The following C1QTNF3 variants were observed in gnomAD, a reference collection of about 807,000 sequenced individuals.
The protein encoded by C1QTNF3 is complement C1q tumor necrosis factor-related protein 3.
A neutral mutation model predicts 32.6 loss-of-function variants in C1QTNF3; 26 were observed. The observed-to-expected ratio is 0.80, with a 90% CI of 0.58 to 1.11. The LOEUF is 1.11. C1QTNF3 is among the 50% of genes least tolerant of loss of function. The probability of loss-of-function intolerance (pLI) is 0.00; values close to 1 mark genes in which losing one functional copy is unlikely to be tolerated. For synonymous variants in C1QTNF3, 155 were observed against 146.0 expected (o/e 1.06, Z -0.44); for missense variants, 362 against 398.2 (o/e 0.91, Z 0.77).
chr5:34,040,483 T>C (rs1448092853), intron 1 of C1QTNF3, among the ~76,000 whole-genome samples: 1 of 151,396 alleles, frequency 6.6e-6, no homozygotes, highest in Non-Finnish European at 1.5e-5. Context: ...TTGACAAAGG[T>C]GAATGAAAAA....
chr5:34,066,569 A>T, the C1QTNF3 span, among the ~76,000 whole-genome samples: 1 of 152,070 alleles, frequency 6.6e-6, no homozygotes, highest in Non-Finnish European at 1.5e-5. Flanking sequence ...TACAGATGGC[A>T]GTAAGAAAAT....
chr5:34,162,377 T>C, the C1QTNF3 span, among the ~76,000 whole-genome samples: 1 of 152,146 alleles, frequency 6.6e-6, no homozygotes, highest in Admixed American at 6.6e-5. Flanking sequence ...AGTCCATTCA[T>C]GAGGGCAGAA....
At chr5:34,122,713 A>T in the C1QTNF3 span, among the ~76,000 whole-genome samples, 1 of 152,112 alleles carries the variant, frequency 6.6e-6, no homozygotes, top group African/African-American at 2.4e-5. Flanking sequence ...TGGGCCAACC[A>T]ACTGTTGGAT....
chr5:34,207,176 A>AT, the C1QTNF3 span, among the ~76,000 whole-genome samples: 3 of 151,182 alleles, frequency 2.0e-5, no homozygotes, highest in Non-Finnish European at 4.4e-5. Flanking sequence ...CGGTGGAAGA[A>AT]TTTTTTTTTC....
the C1QTNF3 span, among the ~76,000 whole-genome samples, chr5:34,240,235 A>G: frequency 6.6e-6 from 1 of 151,834 alleles, no homozygotes; most frequent in Non-Finnish European, 1.5e-5. Flanking sequence ...AAAAAAAAAA[A>G]GAACAACCCT....
chr5:34,045,737 C>T (rs1324505320), upstream of C1QTNF3, among the ~76,000 whole-genome samples: 5 of 151,966 alleles, frequency 3.3e-5, no homozygotes, highest in African/African-American at 1.2e-4. Context: ...ATCTCTCCTT[C>T]TCTCTGCCAT....
chr5:34,064,597 C>T, the C1QTNF3 span, among the ~76,000 whole-genome samples: 7 of 152,138 alleles, frequency 4.6e-5, no homozygotes, highest in Admixed American at 1.3e-4. Flanking sequence ...GCAATGGGTG[C>T]CTCGCTGGAT....
the C1QTNF3 span, among the ~76,000 whole-genome samples, chr5:34,238,092 G>C: frequency 3.0e-4 from 46 of 152,288 alleles, no homozygotes; most frequent in African/African-American, 1.1e-3. Flanking sequence ...ATCCTGGACA[G>C]AGACAGCCCT....
the C1QTNF3 span, among the ~76,000 whole-genome samples, chr5:34,126,466 G>C: frequency 1.3e-5 from 2 of 149,610 alleles, 1 homozygote; most frequent in African/African-American, 4.9e-5. Flanking sequence ...GGAGGATGTG[G>C]AGAAAAGGGA....
chr5:34,112,817 C>A, the C1QTNF3 span, among the ~76,000 whole-genome samples: 1 of 152,064 alleles, frequency 6.6e-6, no homozygotes, highest in Non-Finnish European at 1.5e-5. Flanking sequence ...AAATTCAAGT[C>A]ATTAAATTTG....
At chr5:34,056,456 A>G in the C1QTNF3 span, among the ~76,000 whole-genome samples, 1,619 of 47,608 alleles carry the variant, frequency 0.034, 27 homozygotes, top group African/African-American at 0.084. Context: ...GTGTGTGTGT[A>G]TATATATATA....
chr5:34,161,411 T>C, the C1QTNF3 span, among the ~76,000 whole-genome samples: 1 of 151,846 alleles, frequency 6.6e-6, no homozygotes, highest in Non-Finnish European at 1.5e-5. Context: ...CTTAGCATGG[T>C]ATGGTTTTTC....
the C1QTNF3 span, among the ~76,000 whole-genome samples, chr5:34,056,824 C>G: frequency 6.6e-6 from 1 of 151,984 alleles, no homozygotes; most frequent in Non-Finnish European, 1.5e-5. Context: ...CTTTTACATT[C>G]TAATGAACCA....
chr5:34,026,296 C>T (rs1754456722), intron 4 of C1QTNF3, among the ~76,000 whole-genome samples: 1 of 151,930 alleles, frequency 6.6e-6, no homozygotes, highest in South Asian at 2.1e-4. Context: ...AGGAGAAATG[C>T]ACTCCCTGAT....
the C1QTNF3 span, among the ~76,000 whole-genome samples, chr5:34,195,793 T>C: frequency 1.3e-5 from 2 of 152,042 alleles, no homozygotes; most frequent in East Asian, 3.9e-4. Flanking sequence ...AGAGCCGAGA[T>C]TGTGCCACTG....
chr5:34,201,717 C>T, the C1QTNF3 span, among the ~76,000 whole-genome samples: 1 of 152,078 alleles, frequency 6.6e-6, no homozygotes, highest in Admixed American at 6.5e-5. Flanking sequence ...TGAATTTCTA[C>T]AAAACATCAT....
upstream of C1QTNF3, among the ~76,000 whole-genome samples, chr5:34,044,214 A>G (rs1257036899): frequency 6.6e-6 from 1 of 152,232 alleles, no homozygotes; most frequent in Non-Finnish European, 1.5e-5. Context: ...CAAAAAGAAA[A>G]TGGACATTCC....
the C1QTNF3 span, chr5:34,164,852 T>C: frequency 6.6e-6 from 1 of 150,826 alleles, no homozygotes; most frequent in Non-Finnish European, 1.5e-5. Flanking sequence ...ACGAAAAGCC[T>C]GTAACCTTTG....
At chr5:34,112,919 G>C in the C1QTNF3 span, among the ~76,000 whole-genome samples, 2 of 151,974 alleles carry the variant, frequency 1.3e-5, no homozygotes, top group Admixed American at 1.3e-4. Flanking sequence ...CAGAGGAGCA[G>C]CTTGGTAACC....
Sources: allele counts gnomAD v4.1 joint callset (sites outside exome capture counted in the v4.1 genomes callset), GRCh38; gene constraint gnomAD v4.1.1; transcripts MANE v1.5; gene names NCBI Gene and HGNC (gene_info 2026-07-23, HGNC 2026-07-21).